The following AOPEP variants were observed in gnomAD, a reference collection of about 807,000 sequenced individuals.
AOPEP encodes aminopeptidase O (putative).
A neutral mutation model predicts 98.1 loss-of-function variants in AOPEP; 77 were observed. That is an observed-to-expected ratio of 0.78 (90% CI 0.65 to 0.95). AOPEP has a LOEUF of 0.95. Ranked by LOEUF, AOPEP falls within the 40% of genes least tolerant of loss-of-function variation. The pLI is 0.00. For missense variants in AOPEP, 1,024 were observed against 1,024.7 expected (o/e 1.00, Z 0.01); for synonymous variants, 346 against 365.3 (o/e 0.95, Z 0.60).
chr9:94,791,087 C>T (rs1234845263), intron 3 of AOPEP, among the ~76,000 whole-genome samples: 1 of 152,056 alleles, frequency 6.6e-6, no homozygotes, highest in Non-Finnish European at 1.5e-5. Flanking sequence ...ATTGAATCAA[C>T]TTAAATGCCC....
At chr9:94,792,688 G>A (rs1161081779) in intron 3 of AOPEP, 77 bp from the exon 4 acceptor site, 2 of 1,331,518 alleles carry the variant, frequency 1.5e-6, no homozygotes, top group East Asian at 2.4e-5. Flanking sequence ...CTCTTCAAGT[G>A]CCTCGAGAAG....
the AOPEP span, chr9:95,117,509 C>T: frequency 4.0e-6 from 3 of 749,552 alleles, no homozygotes; most frequent in South Asian, 4.5e-5. Flanking sequence ...ATGGTCAGAA[C>T]ACTTTCTTAA....
intron 11 of AOPEP, among the ~76,000 whole-genome samples, chr9:94,991,680 G>C (rs939831788): frequency 2.6e-5 from 4 of 152,168 alleles, no homozygotes; most frequent in African/African-American, 9.7e-5. Context: ...GAAGCTGTTT[G>C]TTCCTATTCT....
chr9:95,131,664 G>T, the AOPEP span, among the ~76,000 whole-genome samples: 1 of 152,138 alleles, frequency 6.6e-6, no homozygotes, highest in Non-Finnish European at 1.5e-5. Context: ...TCAATTACAT[G>T]CACCACATTA....
intron 5 of AOPEP, among the ~76,000 whole-genome samples, chr9:94,812,581 T>C (rs566395178): frequency 3.3e-5 from 5 of 151,904 alleles, no homozygotes; most frequent in Non-Finnish European, 5.9e-5. Context: ...GAGAAATGTG[T>C]GGTATGAGAA....
intron 11 of AOPEP, chr9:95,004,179 C>T (rs1356787923): frequency 4.4e-6 from 2 of 455,020 alleles, no homozygotes; most frequent in Non-Finnish European, 8.8e-6. Flanking sequence ...CCCGACTCTC[C>T]GCCCCGGCCC....
intron 2 of AOPEP, chr9:94,763,511 C>T (rs1838852008): frequency 6.4e-6 from 1 of 155,992 alleles, no homozygotes; most frequent in African/African-American, 2.4e-5. Flanking sequence ...TGTGTATACA[C>T]ACACTGTATC....
chr9:95,116,152 A>G, the AOPEP span, among the ~76,000 whole-genome samples: 3 of 152,250 alleles, frequency 2.0e-5, no homozygotes, highest in Admixed American at 6.5e-5. Flanking sequence ...TTTATTTACT[A>G]TTTCCAAACT....
intron 3 of AOPEP, among the ~76,000 whole-genome samples, chr9:94,775,434 A>C (rs1348938093): frequency 6.7e-6 from 1 of 150,232 alleles, no homozygotes; most frequent in Non-Finnish European, 1.5e-5. Flanking sequence ...CAATGGCGCG[A>C]TCTCTGCTCA....
chr9:95,127,935 A>G, the AOPEP span, among the ~76,000 whole-genome samples: 1 of 152,242 alleles, frequency 6.6e-6, no homozygotes, highest in South Asian at 2.1e-4. Flanking sequence ...TTGCAAGTTA[A>G]AATGTCCTAC....
intron 13 of AOPEP, among the ~76,000 whole-genome samples, chr9:95,042,827 G>GC (rs1172236238): frequency 6.6e-6 from 1 of 152,158 alleles, no homozygotes; most frequent in Non-Finnish European, 1.5e-5. Flanking sequence ...TTGATTAGCA[G>GC]CCTTAATCCA....
At chr9:94,934,920 A>G (rs1045273021) in intron 7 of AOPEP, 1 of 152,180 alleles carries the variant, frequency 6.6e-6, no homozygotes, top group African/African-American at 2.4e-5. Flanking sequence ...CCCCCATCTT[A>G]GGTGGGAGTC....
intron 9 of AOPEP, among the ~76,000 whole-genome samples, chr9:94,959,245 A>C (rs1472416117): frequency 1.3e-5 from 2 of 151,994 alleles, no homozygotes; most frequent in Non-Finnish European, 2.9e-5. Context: ...GGGTTTCACC[A>C]TGTTAGCCAG....
chr9:95,005,201 C>A lies in AOPEP; in HGVS notation c.2021C>A (p.Ala674Glu). The A allele has an allele frequency of 8.8e-7, 1 of 1,134,680 alleles. No homozygotes were observed. Among genetic ancestry groups the A allele is most frequent in the South Asian group, 3.5e-5 (1 of 28,236 alleles). 70.3% of individuals were successfully genotyped at this position (1,134,680 alleles called of 1,614,324 possible). A position where few individuals can be genotyped will look rare whatever the true frequency, so the allele number is the denominator to read the frequency against. ...ERRAGAECGLARQVRAEVTKW... is the reference protein window; with the variant it reads ...ERRAGAECGLERQVRAEVTKW... ...CGCGCCGGGGCGGAGTGCGGGCTTG[C>A]GCGGCAAGTGCGCGCCGAGGTGAGT... Residue 674 changes from alanine to glutamate, a missense_variant, in exon 12 of 17, where the codon GCG (alanine) becomes GAG (glutamate). Ala to Glu is a moderately radical substitution (Grantham distance 107, BLOSUM62 -1). Around this residue, in one of 3 missense-constraint regions of AOPEP, gnomAD observed 566 missense variants for 551.7 expected, o/e 1.03. Transcript: ENST00000375315.
chr9:94,790,797 G>A (rs1443502934), intron 3 of AOPEP, among the ~76,000 whole-genome samples: 1 of 151,842 alleles, frequency 6.6e-6, no homozygotes, highest in Non-Finnish European at 1.5e-5. Flanking sequence ...TGTCATGTTA[G>A]GTCTGCTGGC....
intron 5 of AOPEP, among the ~76,000 whole-genome samples, chr9:94,859,074 G>A (rs1192073263): frequency 6.6e-6 from 1 of 150,986 alleles, no homozygotes; most frequent in Non-Finnish European, 1.5e-5. Flanking sequence ...AGCTGACTGT[G>A]CCACTGCACT....
At chr9:95,060,126 T>G (rs1255533144) in intron 13 of AOPEP, among the ~76,000 whole-genome samples, 2 of 152,260 alleles carry the variant, frequency 1.3e-5, no homozygotes, top group Admixed American at 1.3e-4. Flanking sequence ...GCTGCACATA[T>G]AGTTGTGTAC....
chr9:94,889,218 T>C (rs967130435), intron 5 of AOPEP, among the ~76,000 whole-genome samples: 3 of 152,190 alleles, frequency 2.0e-5, no homozygotes, highest in African/African-American at 7.2e-5. Context: ...GGTCTCAAAC[T>C]CCTGACCTCA....
intron 5 of AOPEP, among the ~76,000 whole-genome samples, chr9:94,853,270 G>C (rs2043779699): frequency 6.6e-6 from 1 of 152,196 alleles, no homozygotes; most frequent in South Asian, 2.1e-4. Context: ...GAGCAGCCTG[G>C]TAAACATGGT....
Sources: gnomAD v4.1 joint callset for allele counts (sites outside exome capture counted in the v4.1 genomes callset) on GRCh38, gnomAD v4.1.1 for gene constraint, gnomAD v4.1.1 regional missense constraint, MANE v1.5 for transcripts, NCBI Gene and HGNC (gene_info 2026-07-23, HGNC 2026-07-21) for gene names.